The following STK32A variants were observed in gnomAD, a reference collection of about 807,000 sequenced individuals.
STK32A encodes the protein serine/threonine kinase 32A, also known as serine/threonine-protein kinase 32A.
Under a neutral mutation model 53.2 loss-of-function variants are expected in STK32A, and 41 were observed. The ratio of observed to expected loss-of-function variants is 0.77; its 90% CI spans 0.60 to 1.00. The LOEUF (loss-of-function observed/expected upper bound fraction) is 1.00. STK32A is among the 50% of genes least tolerant of loss of function. The pLI is 0.00. For missense variants in STK32A, 458 were observed against 485.8 expected (o/e 0.94, Z 0.54); for synonymous variants, 166 against 162.8 (o/e 1.02, Z -0.15).
Position 147,291,210 on chromosome 5 carries a change from A to T in STK32A, c.260+11812A>T, listed in dbSNP as rs1004298815. 3.3e-5 allele frequency among the ~76,000 whole-genome samples: 5 copies of T among 152,282 alleles called. No individual in the cohort carries two copies. The Middle Eastern group carries it at 0.01, about 311-fold the overall frequency. On this transcript the variant is annotated intron_variant, in intron 4 of 12. Transcript: ENST00000397936. ...CCCCCTTTTCATCAAGATTTTGCAAAGAAAGCATTGTGGATGAACTTAAGC... is the reference window on the plus strand; with the variant it reads ...CCCCCTTTTCATCAAGATTTTGCAATGAAAGCATTGTGGATGAACTTAAGC...
chr5:147,318,291 ATC>A (rs1754115777), intron 4 of STK32A, among the ~76,000 whole-genome samples: 1 of 152,312 alleles, frequency 6.6e-6, no homozygotes, highest in South Asian at 2.1e-4. Flanking sequence ...AAGAATATAG[ATC>A]TGTCTCATTT....
At chr5:147,324,785 A>T (rs552756560) in intron 5 of STK32A, among the ~76,000 whole-genome samples, 1 of 152,314 alleles carries the variant, frequency 6.6e-6, no homozygotes, top group African/African-American at 2.4e-5. Context: ...GTATACATTA[A>T]ATTATCACCC....
At chr5:147,345,230 GA>G (rs964841962) in intron 6 of STK32A, among the ~76,000 whole-genome samples, 1 of 151,706 alleles carries the variant, frequency 6.6e-6, no homozygotes, top group Non-Finnish European at 1.5e-5. Context: ...TACTTACTTA[GA>G]AAAAAAATCT....
At chr5:147,376,545 G>C (rs1051150076) in intron 11 of STK32A, among the ~76,000 whole-genome samples, 2 of 152,128 alleles carry the variant, frequency 1.3e-5, no homozygotes, top group African/African-American at 2.4e-5. Context: ...GAGCAATTTA[G>C]GAATAACTTT....
chr5:147,341,740 C>T lies in STK32A; in HGVS notation c.435-1266C>T, dbSNP rs1243285114. On this transcript the variant is annotated intron_variant, in intron 5 of 12. Transcript: ENST00000397936. The stretch of plus-strand genomic sequence containing the variant: ...AAAAGATTTGGACCAGTCTTTTACA[C>T]ACTGATGTACAGCAAGATAACTATA... Among the ~76,000 whole-genome samples, 3 of 152,062 alleles carry T rather than the reference C, an allele frequency of 2.0e-5. No individual in the cohort carries two copies. In the South Asian group the frequency reaches 6.2e-4, roughly 31 times the overall value.
chr5:147,264,923 G>A (rs1025630466), intron 2 of STK32A, among the ~76,000 whole-genome samples: 1 of 151,682 alleles, frequency 6.6e-6, no homozygotes. Flanking sequence ...GATTATTTAA[G>A]CTATATAAAG....
At chr5:147,396,382 G>A in the STK32A span, among the ~76,000 whole-genome samples, 4 of 152,152 alleles carry the variant, frequency 2.6e-5, no homozygotes, top group African/African-American at 9.7e-5. Context: ...TGGGAAACAC[G>A]GTACCTCCTG....
chr5:147,364,719 C>T (rs1165860061), intron 8 of STK32A, among the ~76,000 whole-genome samples: 1 of 152,112 alleles, frequency 6.6e-6, no homozygotes, highest in East Asian at 1.9e-4. Flanking sequence ...GAGATAATCT[C>T]TTTCTCTTCT....
chr5:147,318,759 C>G (rs777787942), intron 4 of STK32A, among the ~76,000 whole-genome samples: 11 of 138,472 alleles, frequency 7.9e-5, no homozygotes, highest in Non-Finnish European at 1.7e-4. Flanking sequence ...CTGGATGACA[C>G]AGTGAGACCC....
intron 4 of STK32A, among the ~76,000 whole-genome samples, chr5:147,296,626 C>A (rs145077415): frequency 2.0e-5 from 3 of 152,210 alleles, no homozygotes; most frequent in African/African-American, 7.2e-5. Flanking sequence ...TCGCCCACCT[C>A]CTGAGATCTT....
intron 2 of STK32A, among the ~76,000 whole-genome samples, chr5:147,267,883 C>T (rs1399832332): frequency 1.3e-5 from 2 of 152,168 alleles, no homozygotes; most frequent in Non-Finnish European, 2.9e-5. Context: ...AAATGCTGCC[C>T]ATTCCTGAAG....
chr5:147,343,412 C>T (rs1581118672), intron 6 of STK32A, among the ~76,000 whole-genome samples: 1 of 152,324 alleles, frequency 6.6e-6, no homozygotes. Context: ...ATTTGGCCAG[C>T]AATAGCATCT....
At chr5:147,247,155 A>G (rs774578663) in intron 2 of STK32A, among the ~76,000 whole-genome samples, 6 of 152,232 alleles carry the variant, frequency 3.9e-5, no homozygotes, top group Non-Finnish European at 7.3e-5. Flanking sequence ...TACTATCTTC[A>G]AAGAAAATGG....
chr5:147,375,334 T>C lies in STK32A; in HGVS notation c.1032+116T>C, dbSNP rs954711982. The C allele has an allele frequency of 4.5e-6, 6 of 1,325,058 alleles. No individual in the cohort carries two copies. In the African/African-American group the frequency reaches 6.0e-5, roughly 13 times the overall value. 82.1% of individuals were successfully genotyped at this position (1,325,058 alleles called of 1,614,324 possible). On this transcript the variant is annotated intron_variant, in intron 11 of 12. Coordinates refer to ENST00000397936, the MANE Select transcript of STK32A (RefSeq NM_001112724.2). ...TTCCTGCTTTTGCTGCTTAGTGAAA[T>C]AGGAGAAGTAGATCAGCCGGGTTTC...
intron 2 of STK32A, among the ~76,000 whole-genome samples, chr5:147,262,929 A>G (rs1272096056): frequency 1.3e-5 from 2 of 152,204 alleles, no homozygotes; most frequent in Non-Finnish European, 2.9e-5. Context: ...GGGAAGAGCT[A>G]AAGTAAATGA....
chr5:147,322,230 G>A (rs558070550), intron 4 of STK32A, among the ~76,000 whole-genome samples: 1 of 152,246 alleles, frequency 6.6e-6, no homozygotes, highest in African/African-American at 2.4e-5. Context: ...GCAATACCAA[G>A]CATATGTTTC....
At chr5:147,394,304 C>A in the STK32A span, among the ~76,000 whole-genome samples, 3 of 152,114 alleles carry the variant, frequency 2.0e-5, no homozygotes, top group African/African-American at 7.2e-5. Context: ...CTTATGGCCC[C>A]GAAAACTAGC....
intron 8 of STK32A, among the ~76,000 whole-genome samples, chr5:147,367,948 C>T (rs1327613740): frequency 6.6e-6 from 1 of 152,340 alleles, no homozygotes; most frequent in South Asian, 2.1e-4. Flanking sequence ...CAATACAACT[C>T]AAGCACAGAG....
rs1381969901 is a variant in STK32A at position 147,387,550 on chromosome 5, T to C, written c.*3567T>C. The C allele has an allele frequency of 2.0e-5, 3 of 152,372 alleles. No homozygotes were observed. Among genetic ancestry groups the C allele is most frequent in the African/African-American group, 7.2e-5 (3 of 41,584 alleles). The allele number at this position is 152,372 out of a possible 1,614,324, so 9.4% of individuals were successfully genotyped here. On this transcript the variant is annotated 3_prime_UTR_variant, in exon 13 of 13. Transcript: ENST00000397936. ...GGCAGTAATGCTAAGGCTTTAGCTC[T>C]TCAAAAGCAGAATGAAAAGGCACAA...
Sources: gnomAD v4.1 joint callset for allele counts (sites outside exome capture counted in the v4.1 genomes callset) on GRCh38, gnomAD v4.1.1 for gene constraint, MANE v1.5 for transcripts, NCBI Gene and HGNC (gene_info 2026-07-23, HGNC 2026-07-21) for gene names.